IMMP2L: variants seen among roughly 807,000 people sequenced by gnomAD.
IMMP2L encodes mitochondrial inner membrane protease subunit 2.
A neutral mutation model predicts 19.3 loss-of-function variants in IMMP2L; 18 were observed. The ratio of observed to expected loss-of-function variants is 0.93; its 90% CI spans 0.64 to 1.38. The LOEUF is 1.38. IMMP2L is among the 40% of genes most tolerant of loss of function. IMMP2L has a pLI of 0.00. For missense variants in IMMP2L, 233 were observed against 218.2 expected, an observed-to-expected ratio of 1.07 and a Z score of -0.43; for synonymous variants, 76 against 73.0, an observed-to-expected ratio of 1.04 and a Z score of -0.21.
intron 3 of IMMP2L, chr7:111,411,248 A>T (rs1245523687): frequency 5.4e-6 from 1 of 185,238 alleles, no homozygotes; most frequent in Non-Finnish European, 1.1e-5. Flanking sequence ...TTAGAAAAAA[A>T]CTGTGAGACT....
chr7:110,664,915 C>A (rs895851760), intron 5 of IMMP2L: 2 of 152,074 alleles, frequency 1.3e-5, no homozygotes, highest in African/African-American at 4.8e-5. Context: ...TATTTGCTAT[C>A]ACATGAATTC....
At chr7:111,011,539 A>C (rs1215186812) in intron 3 of IMMP2L, among the ~76,000 whole-genome samples, 1 of 152,170 alleles carries the variant, frequency 6.6e-6, no homozygotes, top group Non-Finnish European at 1.5e-5. Flanking sequence ...GGAGGGAGGC[A>C]ATAAATGGAG....
chr7:110,793,209 CG>C (rs1260098108), intron 5 of IMMP2L, among the ~76,000 whole-genome samples: 2 of 151,940 alleles, frequency 1.3e-5, no homozygotes, highest in Non-Finnish European at 2.9e-5. Flanking sequence ...CACTTGAGGC[CG>C]GGAGGTACAA....
At chr7:111,241,719 T>C (rs1196371078) in intron 3 of IMMP2L, among the ~76,000 whole-genome samples, 2 of 151,102 alleles carry the variant, frequency 1.3e-5, no homozygotes, top group African/African-American at 4.8e-5. Context: ...ATTATATAAG[T>C]ATAAAGTGTG....
At chr7:111,501,548 A>C (rs1222830865) in intron 2 of IMMP2L, among the ~76,000 whole-genome samples, 1 of 152,190 alleles carries the variant, frequency 6.6e-6, no homozygotes, top group African/African-American at 2.4e-5. Flanking sequence ...GAAATGAAGG[A>C]AAAAATGTTA....
chr7:110,703,200 T>A (rs1379457741), intron 5 of IMMP2L, among the ~76,000 whole-genome samples: 1 of 152,202 alleles, frequency 6.6e-6, no homozygotes, highest in East Asian at 1.9e-4. Flanking sequence ...AATTATCTTA[T>A]GGTTTTGCTT....
chr7:110,798,392 A>G (rs1473384307), intron 5 of IMMP2L, among the ~76,000 whole-genome samples: 1 of 151,968 alleles, frequency 6.6e-6, no homozygotes, highest in Non-Finnish European at 1.5e-5. Flanking sequence ...AGCTTTTTGA[A>G]GGAAGAGAAT....
At chr7:111,243,020 T>A (rs1402664424) in intron 3 of IMMP2L, among the ~76,000 whole-genome samples, 1 of 152,082 alleles carries the variant, frequency 6.6e-6, no homozygotes, top group Admixed American at 6.6e-5. Flanking sequence ...ATATCACAAA[T>A]CTCTTTTTGT....
At chr7:110,765,574 A>G (rs558585362) in intron 5 of IMMP2L, among the ~76,000 whole-genome samples, 2 of 152,266 alleles carry the variant, frequency 1.3e-5, no homozygotes, top group Non-Finnish European at 2.9e-5. Flanking sequence ...TATTTTGTCT[A>G]TGGTTAGGGT....
intron 5 of IMMP2L, among the ~76,000 whole-genome samples, chr7:110,745,489 G>A (rs1486845995): frequency 6.6e-6 from 1 of 152,104 alleles, no homozygotes; most frequent in Non-Finnish European, 1.5e-5. Context: ...AAATGTTAAG[G>A]GCAGCCAGAG....
At chr7:110,922,860 A>T (rs1359754131) in intron 4 of IMMP2L, among the ~76,000 whole-genome samples, 1 of 152,172 alleles carries the variant, frequency 6.6e-6, no homozygotes, top group Admixed American at 6.6e-5. Context: ...GATTGTCAAG[A>T]CCTTCATTTG....
At chr7:111,212,956 C>T (rs1161389192) in intron 3 of IMMP2L, among the ~76,000 whole-genome samples, 2 of 152,172 alleles carry the variant, frequency 1.3e-5, no homozygotes, top group African/African-American at 2.4e-5. Context: ...GCAGAGGCTG[C>T]CATGACACCA....
At position 111,471,815 on chromosome 7, in the gene IMMP2L, C is replaced by CTA. The variant is rs1010992611; in HGVS notation, c.239+15421_239+15422dup. ...TCAGAAAGGTTCCATCACAGCCAGC[C>CTA]TATATATATATCATATTAGTGTGAA... On this transcript the variant is annotated intron_variant, in intron 3 of 5. Coordinates refer to ENST00000405709, the MANE Select transcript of IMMP2L (RefSeq NM_032549.4). Among the ~76,000 whole-genome samples the CTA allele has an allele frequency of 1.7e-3, 255 of 151,838 alleles. 1 individual carries two copies. The highest frequency in any genetic ancestry group is 5.8e-3 in the African/African-American group (240 of 41,398).
At chr7:111,104,386 A>G (rs560084496) in intron 3 of IMMP2L, among the ~76,000 whole-genome samples, 2 of 151,984 alleles carry the variant, frequency 1.3e-5, no homozygotes, top group South Asian at 4.1e-4. Flanking sequence ...TAGATTTACC[A>G]AACTCTACAT....
chr7:111,251,173 A>C (rs1256964862), intron 3 of IMMP2L, among the ~76,000 whole-genome samples: 2 of 152,218 alleles, frequency 1.3e-5, no homozygotes, highest in Non-Finnish European at 2.9e-5. Flanking sequence ...ATCATTAGAG[A>C]AATAAAAATC....
intron 3 of IMMP2L, among the ~76,000 whole-genome samples, chr7:111,275,215 C>T (rs1453689043): frequency 6.6e-6 from 1 of 152,126 alleles, no homozygotes; most frequent in Admixed American, 6.5e-5. Context: ...ACATTGCCCA[C>T]TCATAAGAGG....
At chr7:110,731,243 CACTT>C (rs1441636277) in intron 5 of IMMP2L, among the ~76,000 whole-genome samples, 1 of 151,998 alleles carries the variant, frequency 6.6e-6, no homozygotes, top group Non-Finnish European at 1.5e-5. Context: ...AAAATGTTAA[CACTT>C]ATTATGTTTA....
chr7:111,225,611 C>G (rs1236449414), intron 3 of IMMP2L, among the ~76,000 whole-genome samples: 2 of 136,460 alleles, frequency 1.5e-5, no homozygotes, highest in African/African-American at 5.5e-5. Flanking sequence ...AATATAATAT[C>G]AAAGAAGAAT....
chr7:110,988,324 G>A (rs1403703280), intron 3 of IMMP2L, among the ~76,000 whole-genome samples: 1 of 152,164 alleles, frequency 6.6e-6, no homozygotes, highest in African/African-American at 2.4e-5. Flanking sequence ...GGTTAGCCTA[G>A]GAGTTGCCTC....
Sources: gnomAD v4.1 joint callset for allele counts (sites outside exome capture counted in the v4.1 genomes callset) on GRCh38, gnomAD v4.1.1 for gene constraint, MANE v1.5 for transcripts, NCBI Gene and HGNC (gene_info 2026-07-23, HGNC 2026-07-21) for gene names.